BMAL2: variants seen among roughly 807,000 people sequenced by gnomAD.
The protein encoded by BMAL2 is basic helix-loop-helix ARNT like 2.
At chr12:27,347,959 G>T in the BMAL2 span, among the ~76,000 whole-genome samples, 1 of 152,136 alleles carries the variant, frequency 6.6e-6, no homozygotes, top group South Asian at 2.1e-4. Context: ...CATCCTTACT[G>T]GTCTGACAGA....
the BMAL2 span, among the ~76,000 whole-genome samples, chr12:27,364,850 T>C: frequency 1.3e-5 from 2 of 152,164 alleles, no homozygotes; most frequent in Non-Finnish European, 2.9e-5. Flanking sequence ...AAAGACCTTA[T>C]ACATTTATTA....
chr12:27,372,030 A>G, the BMAL2 span, among the ~76,000 whole-genome samples: 1 of 152,186 alleles, frequency 6.6e-6, no homozygotes, highest in Non-Finnish European at 1.5e-5. Context: ...GGAGTTTGCA[A>G]CCAGCCTGGG....
the BMAL2 span, chr12:27,418,179 G>T: frequency 6.2e-6 from 10 of 1,609,806 alleles, no homozygotes; most frequent in Non-Finnish European, 8.5e-6. Flanking sequence ...GCTGTCCACA[G>T]CCATGAGCCA....
At chr12:27,409,769 C>T in the BMAL2 span, among the ~76,000 whole-genome samples, 1 of 151,912 alleles carries the variant, frequency 6.6e-6, no homozygotes, top group African/African-American at 2.4e-5. Context: ...TAAAGAGCTT[C>T]TGCACAGCAA....
chr12:27,397,039 A>C, the BMAL2 span, among the ~76,000 whole-genome samples: 1 of 151,814 alleles, frequency 6.6e-6, no homozygotes, highest in Non-Finnish European at 1.5e-5. Context: ...AGTGGAATTC[A>C]CTGTGGTTTT....
chr12:27,382,335 G>C, the BMAL2 span, among the ~76,000 whole-genome samples: 2 of 152,202 alleles, frequency 1.3e-5, no homozygotes, highest in South Asian at 2.1e-4. Flanking sequence ...CCGCATTCCT[G>C]TTCTGTGCTG....
chr12:27,395,589 G>A, the BMAL2 span, among the ~76,000 whole-genome samples: 444 of 152,202 alleles, frequency 2.9e-3, 1 homozygote, highest in Non-Finnish European at 4.5e-3. Context: ...CAGCATTCTT[G>A]AGAATGTACT....
At chr12:27,385,349 A>G in the BMAL2 span, 8 of 559,192 alleles carry the variant, frequency 1.4e-5, no homozygotes, top group South Asian at 2.7e-5. Flanking sequence ...AAATGAAAAA[A>G]AAAATGATTA....
chr12:27,351,828 C>G, the BMAL2 span, among the ~76,000 whole-genome samples: 10,502 of 152,254 alleles, frequency 0.069, 479 homozygotes, highest in Non-Finnish European at 0.1. Context: ...AACAATCTAT[C>G]TTTTCAATGG....
At chr12:27,365,023 A>G in the BMAL2 span, among the ~76,000 whole-genome samples, 2 of 152,070 alleles carry the variant, frequency 1.3e-5, no homozygotes, top group Admixed American at 1.3e-4. Flanking sequence ...AATGATTTAT[A>G]TGTTGATTAT....
the BMAL2 span, among the ~76,000 whole-genome samples, chr12:27,406,262 G>C: frequency 5.3e-5 from 8 of 152,044 alleles, no homozygotes; most frequent in African/African-American, 1.9e-4. Flanking sequence ...GATACTCCTC[G>C]AGAAGAGCAA....
At chr12:27,378,643 A>C in the BMAL2 span, among the ~76,000 whole-genome samples, 1 of 152,198 alleles carries the variant, frequency 6.6e-6, no homozygotes, top group Non-Finnish European at 1.5e-5. Context: ...ATAATTAGGG[A>C]ATCTGGCTAG....
chr12:27,363,976 ATT>A, the BMAL2 span, among the ~76,000 whole-genome samples: 1 of 152,196 alleles, frequency 6.6e-6, no homozygotes, highest in Non-Finnish European at 1.5e-5. Context: ...ACAGGTAGTT[ATT>A]TCTGACAATT....
chr12:27,333,210 C>A, the BMAL2 span: 1 of 1,095,306 alleles, frequency 9.1e-7, no homozygotes, highest in Non-Finnish European at 1.1e-6. Context: ...CCGAGGGAAG[C>A]GCCCGCGCCT....
chr12:27,350,838 C>T, the BMAL2 span, among the ~76,000 whole-genome samples: 1 of 151,988 alleles, frequency 6.6e-6, no homozygotes, highest in Non-Finnish European at 1.5e-5. Context: ...CACCACCACG[C>T]CTGGCTAATT....
chr12:27,416,640 C>G, the BMAL2 span, among the ~76,000 whole-genome samples: 1 of 152,006 alleles, frequency 6.6e-6, no homozygotes, highest in Admixed American at 6.6e-5. Context: ...TTTATCTGAC[C>G]AGGGACAGAC....
At chr12:27,336,448 G>A in the BMAL2 span, among the ~76,000 whole-genome samples, 2 of 152,194 alleles carry the variant, frequency 1.3e-5, no homozygotes, top group Non-Finnish European at 2.9e-5. Context: ...AGGACTGCAG[G>A]TGAGATATGT....
the BMAL2 span, among the ~76,000 whole-genome samples, chr12:27,412,252 C>A: frequency 6.6e-6 from 1 of 152,006 alleles, no homozygotes; most frequent in African/African-American, 2.4e-5. Flanking sequence ...GTACAGAGGG[C>A]ATTTATATAA....
At chr12:27,371,552 A>G in the BMAL2 span, among the ~76,000 whole-genome samples, 4 of 152,160 alleles carry the variant, frequency 2.6e-5, no homozygotes, top group South Asian at 8.3e-4. Flanking sequence ...ATAAACACGA[A>G]CTAAGTCATG....
Sources: allele counts gnomAD v4.1 joint callset (sites outside exome capture counted in the v4.1 genomes callset), GRCh38; gene constraint gnomAD v4.1.1; transcripts MANE v1.5; gene names NCBI Gene and HGNC (gene_info 2026-07-23, HGNC 2026-07-21).